The following UTRN variants were observed in gnomAD, a reference collection of about 807,000 sequenced individuals.
UTRN encodes the protein dystrophin-related protein 1.
UTRN carries 283 observed loss-of-function variants against 463.9 expected under a neutral mutation model. That is an observed-to-expected ratio of 0.61 (90% CI 0.55 to 0.67). The LOEUF is 0.67. Ranked by LOEUF, UTRN falls within the 30% of genes least tolerant of loss-of-function variation. UTRN has a pLI of 0.00. For missense variants in UTRN, 3,922 were observed against 4,084.3 expected, an observed-to-expected ratio of 0.96 and a Z score of 1.08; for synonymous variants, 1,442 against 1,431.5, an observed-to-expected ratio of 1.01 and a Z score of -0.17.
At chr6:144,603,100 G>C (rs1804437387) in intron 51 of UTRN, among the ~76,000 whole-genome samples, 5 of 151,946 alleles carry the variant, frequency 3.3e-5, no homozygotes, top group Admixed American at 3.3e-4. Context: ...TTTTTTGTTT[G>C]ATTCTCCCTA....
chr6:144,753,581 C>A (rs150311857), intron 56 of UTRN, among the ~76,000 whole-genome samples: 1 of 151,578 alleles, frequency 6.6e-6, no homozygotes, highest in Admixed American at 6.6e-5. Flanking sequence ...TTTGTGCCAC[C>A]GCACTCCAGC....
chr6:144,572,392 A>T (rs376106206), intron 50 of UTRN, among the ~76,000 whole-genome samples: 1 of 151,924 alleles, frequency 6.6e-6, no homozygotes, highest in African/African-American at 2.4e-5. Context: ...TTTTTAAAAA[A>T]ATTTTTACTT....
rs1053156898 is a variant in UTRN at position 144,286,064 on chromosome 6, C to G, written c.-93+243C>G. 1.3e-5 allele frequency among the ~76,000 whole-genome samples: 2 copies of G among 150,344 alleles called. No individual in the cohort carries two copies. The highest frequency in any genetic ancestry group is 1.3e-4 in the Admixed American group (2 of 15,114). On this transcript the variant is annotated intron_variant, in intron 1 of 74. Transcript: ENST00000367545. This position sits in a 1 kb window ranked among gnomAD's most constrained non-coding sequence, Gnocchi z 4.4. ...ATGCCGGAGGCGTGGAGAGCTCGGG[C>G]GTGGAGGTCCTTGGGATCCGTACTA...
intron 2 of UTRN, among the ~76,000 whole-genome samples, chr6:144,353,183 C>T (rs1374229320): frequency 6.6e-6 from 1 of 152,016 alleles, no homozygotes; most frequent in African/African-American, 2.4e-5. Flanking sequence ...GGTGCGATCT[C>T]AGCTCACTGC....
At chr6:144,531,837 C>G (rs571803847) in intron 42 of UTRN, among the ~76,000 whole-genome samples, 1 of 152,158 alleles carries the variant, frequency 6.6e-6, no homozygotes, top group Non-Finnish European at 1.5e-5. Flanking sequence ...ATTTGTTTTT[C>G]TTATAAATGT....
intron 52 of UTRN, among the ~76,000 whole-genome samples, chr6:144,687,211 A>T (rs1782864973): frequency 6.6e-6 from 1 of 152,088 alleles, no homozygotes; most frequent in South Asian, 2.1e-4. Context: ...ATCTATGTTC[A>T]TCAGGGATAT....
chr6:144,373,329 T>G (rs1014276224), intron 2 of UTRN, among the ~76,000 whole-genome samples: 2 of 152,230 alleles, frequency 1.3e-5, no homozygotes, highest in African/African-American at 4.8e-5. Flanking sequence ...TGGAGTATTA[T>G]TCAGCCATAC....
intron 11 of UTRN, 98 bp downstream of exon 11, chr6:144,437,844 C>T (rs1786730406): frequency 2.4e-6 from 3 of 1,265,882 alleles, no homozygotes; most frequent in African/African-American, 1.5e-5. Flanking sequence ...GAGATGATTA[C>T]AGAACTTGCC....
At chr6:144,713,634 T>C (rs534690163) in intron 53 of UTRN, among the ~76,000 whole-genome samples, 2 of 124,150 alleles carry the variant, frequency 1.6e-5, no homozygotes, top group South Asian at 5.2e-4. Flanking sequence ...AATAAATAAA[T>C]AAAAAGCAGG....
rs749768508 is a variant in UTRN, at chr6:144,577,154, C to G, written c.7345C>G (p.Arg2449Gly). 1.5e-5 allele frequency: 24 copies of G among 1,613,784 alleles called. No homozygotes were observed. Among genetic ancestry groups the G allele is most frequent in the Non-Finnish European group, 1.9e-5 (22 of 1,179,926 alleles). Residue 2449 changes from arginine to glycine, a missense_variant, in exon 51 of 75, where the codon CGC (arginine) becomes GGC (glycine). Arg to Gly is a moderately radical substitution (Grantham distance 125, BLOSUM62 -2). This residue lies in a region of UTRN where 1,309 missense variants were observed against 1,452.6 expected (regional missense o/e 0.90). Transcript: ENST00000367545. ...TGAGTGGAGGACGGTGCAGGCCTCT[C>G]GCAGAGATCTGGAAAACTTCCTGAA... ...EAEWRTVQASRRDLENFLKWI... is the reference protein window; with the variant it reads ...EAEWRTVQASGRDLENFLKWI...
intron 58 of UTRN, among the ~76,000 whole-genome samples, chr6:144,759,477 T>C (rs1792394430): frequency 6.6e-6 from 1 of 152,084 alleles, no homozygotes; most frequent in Admixed American, 6.6e-5. Flanking sequence ...GGCAAAATAA[T>C]AACTGCTCCC....
chr6:144,339,139 T>G (rs560350192), intron 2 of UTRN, among the ~76,000 whole-genome samples: 1 of 152,152 alleles, frequency 6.6e-6, no homozygotes, highest in Non-Finnish European at 1.5e-5. Flanking sequence ...GTTGTGAAAC[T>G]CTTTGACATG....
At position 144,447,327 on chromosome 6, in the gene UTRN, T is replaced by C; in HGVS notation, c.1722+9T>C. ...GTGTTCGACGTCTGGCTGTAAGTGA[T>C]GGGGTTGTCAGCATCTGTGTTGTAA... On this transcript the variant is annotated intron_variant, in intron 15 of 74. Transcript: ENST00000367545. The C allele has an allele frequency of 6.2e-7, 1 of 1,611,100 alleles. No homozygotes were observed. The highest frequency in any genetic ancestry group is 1.7e-5 in the Admixed American group (1 of 59,810).
chr6:144,614,876 G>A (rs1805911889), intron 51 of UTRN, among the ~76,000 whole-genome samples: 1 of 152,096 alleles, frequency 6.6e-6, no homozygotes, highest in Non-Finnish European at 1.5e-5. Flanking sequence ...AAGAAGTTTA[G>A]AAGCAATTCC....
intron 2 of UTRN, among the ~76,000 whole-genome samples, chr6:144,379,349 A>T (rs929925089): frequency 1.5e-4 from 23 of 152,156 alleles, no homozygotes; most frequent in African/African-American, 5.6e-4. Flanking sequence ...ATTGCACTCA[A>T]GATGCTGGCC....
intron 2 of UTRN, among the ~76,000 whole-genome samples, chr6:144,296,227 G>A (rs962305528): frequency 2.0e-5 from 3 of 152,112 alleles, no homozygotes; most frequent in Non-Finnish European, 4.4e-5. Context: ...AAGCACTACC[G>A]CCTGAGCTCT....
chr6:144,672,041 G>A (rs946153942), intron 51 of UTRN, among the ~76,000 whole-genome samples: 1 of 151,966 alleles, frequency 6.6e-6, no homozygotes, highest in Admixed American at 6.6e-5. Flanking sequence ...TTTTTTATAC[G>A]CTGTTTGATT....
At chr6:144,594,381 A>T (rs1336444042) in intron 51 of UTRN, among the ~76,000 whole-genome samples, 1 of 152,066 alleles carries the variant, frequency 6.6e-6, no homozygotes, top group African/African-American at 2.4e-5. Flanking sequence ...ATTTTTGTGG[A>T]ACTTGTATTT....
At chr6:144,380,157 A>T (rs945097553) in intron 2 of UTRN, among the ~76,000 whole-genome samples, 1 of 152,234 alleles carries the variant, frequency 6.6e-6, no homozygotes, top group Non-Finnish European at 1.5e-5. Flanking sequence ...TTAGGAATGC[A>T]TAATAACAGA....
Sources: gnomAD v4.1 joint callset for allele counts (sites outside exome capture counted in the v4.1 genomes callset) on GRCh38, gnomAD v4.1.1 for gene constraint, gnomAD v4.1.1 regional missense constraint, Gnocchi (gnomAD v3.1) non-coding constraint, MANE v1.5 for transcripts, NCBI Gene and HGNC (gene_info 2026-07-23, HGNC 2026-07-21) for gene names.